Variants in P2RY8 observed in about 807,000 individuals in gnomAD.
P2RY8 encodes the protein P2Y receptor family member 8.
In P2RY8, 6 loss-of-function variants were observed where a neutral mutation model predicts 10.0. That is an observed-to-expected ratio of 0.60 (90% confidence interval 0.33 to 1.19). The LOEUF (loss-of-function observed/expected upper bound fraction) is 1.19, where lower values mean the gene tolerates loss of function less well. Ranked by LOEUF, P2RY8 falls within the 50% of genes most tolerant of loss-of-function variation. P2RY8 has a pLI of 0.04. For synonymous variants in P2RY8, 276 were observed against 252.5 expected (o/e 1.09, Z -0.88); for missense variants, 456 against 542.0 (o/e 0.84, Z 1.58).
chrX:1,467,435 G>C (rs1369801102), intron 1 of P2RY8, among the ~76,000 whole-genome samples: 1 of 152,138 alleles, frequency 6.6e-6, no homozygotes, highest in Non-Finnish European at 1.5e-5. Flanking sequence ...CTACAGTTAT[G>C]CACGAGTCAG....
intron 1 of P2RY8, among the ~76,000 whole-genome samples, chrX:1,524,194 T>C (rs1252663415): frequency 3.3e-5 from 5 of 152,126 alleles, no homozygotes; most frequent in Non-Finnish European, 5.9e-5. Flanking sequence ...AAGAGTTTGA[T>C]GGTGTGGGGG....
chrX:1,519,000 G>A (rs1317952878), intron 1 of P2RY8, among the ~76,000 whole-genome samples: 3 of 151,030 alleles, frequency 2.0e-5, no homozygotes, highest in African/African-American at 7.3e-5. Flanking sequence ...TATTCTCTGT[G>A]GTCCCCAATC....
intron 1 of P2RY8, among the ~76,000 whole-genome samples, chrX:1,499,889 C>T (rs1347209209): frequency 4.6e-5 from 7 of 151,878 alleles, no homozygotes; most frequent in African/African-American, 1.7e-4. Flanking sequence ...GACGGAGTCT[C>T]GCTCTGTGGC....
chrX:1,481,375 G>A (rs2091933128), intron 1 of P2RY8, among the ~76,000 whole-genome samples: 1 of 152,158 alleles, frequency 6.6e-6, no homozygotes. Context: ...TGTTAGCCGG[G>A]CTGGTCTTGA....
intron 1 of P2RY8, among the ~76,000 whole-genome samples, chrX:1,477,541 T>C (rs1208667484): frequency 2.8e-5 from 3 of 107,730 alleles, no homozygotes; most frequent in Non-Finnish European, 5.9e-5. Flanking sequence ...CACATATACG[T>C]GTTCATCAAT....
At chrX:1,491,517 A>G (rs181755720) in intron 1 of P2RY8, among the ~76,000 whole-genome samples, 127 of 152,356 alleles carry the variant, frequency 8.3e-4, no homozygotes, top group African/African-American at 2.9e-3. Context: ...TAAATGAAAG[A>G]GTGAATGCAT....
intron 1 of P2RY8, among the ~76,000 whole-genome samples, chrX:1,513,641 G>T (rs2092316790): frequency 6.6e-6 from 1 of 151,676 alleles, no homozygotes; most frequent in Non-Finnish European, 1.5e-5. Context: ...CATCTGCAAA[G>T]ACCCTATTTC....
intron 1 of P2RY8, among the ~76,000 whole-genome samples, chrX:1,533,566 A>G (rs1478189782): frequency 7.8e-6 from 1 of 128,134 alleles, no homozygotes; most frequent in African/African-American, 3.0e-5. Flanking sequence ...TTATATATTT[A>G]TTATTTAAAT....
At chrX:1,498,956 T>A (rs1331718167) in intron 1 of P2RY8, among the ~76,000 whole-genome samples, 2 of 151,768 alleles carry the variant, frequency 1.3e-5, no homozygotes, top group Non-Finnish European at 2.9e-5. Flanking sequence ...TGCCTCAGCC[T>A]CCTGAGTAGC....
chrX:1,463,256 C>T lies in P2RY8; in HGVS notation c.*2223G>A, dbSNP rs1225612521. The T allele has an allele frequency of 8.6e-6, 2 of 233,074 alleles. No homozygotes were observed. The highest frequency in any genetic ancestry group is 1.7e-5 in the Non-Finnish European group (2 of 117,982). The allele number at this position is 233,074 out of a possible 1,614,324, so 14.4% of individuals were successfully genotyped here. On this transcript the variant is annotated 3_prime_UTR_variant, in exon 2 of 2. Coordinates refer to ENST00000381297, the MANE Select transcript of P2RY8 (RefSeq NM_178129.5). ...TGCAGCCTGGATGCTTCTGTATCAG[C>T]TTTGCTTTCTAGGGTTCAGCTTTGG... is the stretch of plus-strand genomic sequence containing the variant.
chrX:1,493,452 GGAA>G (rs1407229639), intron 1 of P2RY8, among the ~76,000 whole-genome samples: 19,050 of 112,860 alleles, frequency 0.17, 3,151 homozygotes, highest in East Asian at 0.5. Flanking sequence ...GGAGGAAGGA[GGAA>G]GGAGGGAGGA....
intron 1 of P2RY8, among the ~76,000 whole-genome samples, chrX:1,530,141 GTATGTATGTATGTATGATC>G (rs1239618878): frequency 7.3e-4 from 4 of 5,496 alleles, no homozygotes; most frequent in Non-Finnish European, 0.015. Context: ...ATGTATGTAT[GTATGTATGTATGTATGATC>G]TATCTATCTA....
At chrX:1,478,444 A>G (rs2091900589) in intron 1 of P2RY8, among the ~76,000 whole-genome samples, 1 of 151,904 alleles carries the variant, frequency 6.6e-6, no homozygotes, top group South Asian at 2.1e-4. Flanking sequence ...GTGGTTTTCA[A>G]TATGGGAAGC....
At chrX:1,504,196 G>A (rs1192740792) in intron 1 of P2RY8, among the ~76,000 whole-genome samples, 7 of 151,706 alleles carry the variant, frequency 4.6e-5, no homozygotes, top group Non-Finnish European at 5.9e-5. Flanking sequence ...GGCGCCTGTA[G>A]TCCCAGCTAC....
intron 1 of P2RY8, among the ~76,000 whole-genome samples, chrX:1,482,570 G>A (rs1327891297): frequency 6.6e-6 from 1 of 152,120 alleles, no homozygotes; most frequent in Non-Finnish European, 1.5e-5. Flanking sequence ...GTCCTGAATG[G>A]TAGTGCCTAG....
intron 1 of P2RY8, among the ~76,000 whole-genome samples, chrX:1,511,704 G>A (rs1207896626): frequency 1.3e-5 from 2 of 152,150 alleles, no homozygotes; most frequent in African/African-American, 4.8e-5. Flanking sequence ...ATTTTAAGTT[G>A]ACACCTTCCA....
chrX:1,472,703 GATGTGTGGATGAATGGTGGGT>G (rs2091805943), intron 1 of P2RY8, among the ~76,000 whole-genome samples: 1 of 32,880 alleles, frequency 3.0e-5, no homozygotes, highest in African/African-American at 1.4e-4. Context: ...TGGGAGGGTG[GATGTGTGGATGAATGGTGGGT>G]GGGTGGGTGG....
intron 1 of P2RY8, among the ~76,000 whole-genome samples, chrX:1,473,049 G>A (rs754133819): frequency 3.7e-4 from 54 of 147,456 alleles, no homozygotes; most frequent in African/African-American, 1.3e-3. Flanking sequence ...GAGTGGGTGG[G>A]TGGATGGGTG....
intron 1 of P2RY8, among the ~76,000 whole-genome samples, chrX:1,512,041 T>C (rs1340958661): frequency 6.6e-5 from 10 of 152,170 alleles, no homozygotes; most frequent in East Asian, 5.8e-4. Context: ...ACACCAGATA[T>C]GTAAGCAAAG....
Sources: allele counts gnomAD v4.1 joint callset (sites outside exome capture counted in the v4.1 genomes callset), GRCh38; gene constraint gnomAD v4.1.1; transcripts MANE v1.5; gene names NCBI Gene and HGNC (gene_info 2026-07-23, HGNC 2026-07-21).